AAMDC: variants seen among roughly 807,000 people sequenced by gnomAD.
The protein encoded by AAMDC is mth938 domain-containing protein.
Under a neutral mutation model 15.5 loss-of-function variants are expected in AAMDC, and 16 were observed. That is an observed-to-expected ratio of 1.03 (90% CI 0.70 to 1.57). The LOEUF (loss-of-function observed/expected upper bound fraction) is 1.57, where lower values mean the gene tolerates loss of function less well. Among genes scored for constraint, AAMDC ranks in the 40% most tolerant of loss-of-function variants. The pLI is 0.00. For synonymous variants in AAMDC, 51 were observed against 51.6 expected, an observed-to-expected ratio of 0.99 and a Z score of 0.05; for missense variants, 141 against 144.9, an observed-to-expected ratio of 0.97 and a Z score of 0.14.
chr11:77,876,255 A>G (rs556331867), downstream of AAMDC, among the ~76,000 whole-genome samples: 1 of 152,252 alleles, frequency 6.6e-6, no homozygotes, highest in African/African-American at 2.4e-5. Context: ...CTGTGATGAA[A>G]GTCACCTGGG....
chr11:77,844,512 A>C lies in AAMDC; in HGVS notation c.132+1884A>C, dbSNP rs1950062927. On this transcript the variant is annotated intron_variant, in intron 2 of 3. Transcript: ENST00000393427. ...TGAGTAGCAAGGACCACAGGCATGC[A>C]ATCACACCTGGCTTATTTTTTTTAG... is the stretch of plus-strand genomic sequence containing the variant. Among the ~76,000 whole-genome samples the C allele has an allele frequency of 2.0e-5, 3 of 152,060 alleles. No homozygotes were observed. In the South Asian group the frequency reaches 6.2e-4, roughly 32 times the overall value.
rs199582141 is a variant in AAMDC, at chr11:77,880,334, TC to T, written c.328+3287del. 2.1e-3 allele frequency among the ~76,000 whole-genome samples: 316 copies of T among 152,254 alleles called. 1 individual carries two copies. Among genetic ancestry groups the T allele is most frequent in the African/African-American group, 7.3e-3 (303 of 41,550 alleles). On this transcript the variant is annotated intron_variant, in intron 5 of 5. Transcript: ENST00000304716. ...CAGAGTAGAGACTGGATTGCTGTCC[TC>T]CAGGAAGGGAAAGGTTTGCAGTCAG...
intron 1 of AAMDC, among the ~76,000 whole-genome samples, chr11:77,839,911 A>C (rs1949854929): frequency 6.6e-6 from 1 of 152,150 alleles, no homozygotes; most frequent in Non-Finnish European, 1.5e-5. Flanking sequence ...GCAGCAAACC[A>C]CCATGGCACA....
intron 2 of AAMDC, among the ~76,000 whole-genome samples, chr11:77,862,128 G>A (rs1010322755): frequency 3.9e-5 from 6 of 152,106 alleles, no homozygotes; most frequent in Admixed American, 1.3e-4. Context: ...AATGTTTGCG[G>A]CACCAATCTG....
At chr11:77,895,448 A>G (rs190518857) in intron 5 of AAMDC, among the ~76,000 whole-genome samples, 2 of 148,066 alleles carry the variant, frequency 1.4e-5, no homozygotes, top group East Asian at 4.1e-4. Flanking sequence ...TATTTGCTGA[A>G]TGAACAAAAA....
intron 1 of AAMDC, among the ~76,000 whole-genome samples, chr11:77,826,931 A>G (rs1029975507): frequency 3.9e-5 from 6 of 151,942 alleles, no homozygotes; most frequent in Non-Finnish European, 8.8e-5. Context: ...ATAGTGAAAC[A>G]CCATCTCTAC....
At chr11:77,901,473 T>C, downstream of AAMDC, 1 of 1,613,950 alleles carries the variant, frequency 6.2e-7, no homozygotes, top group Non-Finnish European at 8.5e-7. Flanking sequence ...GCCTGCAGCC[T>C]CATGTGATGT....
At chr11:77,894,350 C>T (rs1222824852) in intron 5 of AAMDC, 9 of 1,539,372 alleles carry the variant, frequency 5.8e-6, no homozygotes, top group Non-Finnish European at 8.0e-6. Flanking sequence ...GGGGTCAAGT[C>T]TGTAGAAAAG....
intron 2 of AAMDC, among the ~76,000 whole-genome samples, chr11:77,861,485 T>C (rs1203175607): frequency 1.3e-5 from 2 of 152,212 alleles, no homozygotes; most frequent in East Asian, 3.9e-4. Context: ...CCCGGGGCTC[T>C]GTGAGGGTGA....
chr11:77,877,128 G>T (rs1951620705), downstream of AAMDC: 2 of 673,788 alleles, frequency 3.0e-6, no homozygotes, highest in Non-Finnish European at 5.4e-6. Context: ...TGACCTCGTG[G>T]AAATAGACTG....
At chr11:77,850,560 T>C (rs1422560519) in intron 2 of AAMDC, 1 of 152,074 alleles carries the variant, frequency 6.6e-6, no homozygotes, top group Non-Finnish European at 1.5e-5. Flanking sequence ...AAAATATAAG[T>C]ATAAAATTAA....
chr11:77,861,496 T>C (rs995321071), intron 2 of AAMDC, among the ~76,000 whole-genome samples: 2 of 152,188 alleles, frequency 1.3e-5, no homozygotes, highest in Non-Finnish European at 2.9e-5. Flanking sequence ...GTGAGGGTGA[T>C]GGCATGAGCT....
chr11:77,867,845 G>A (rs1282476364), intron 2 of AAMDC, among the ~76,000 whole-genome samples: 1 of 152,176 alleles, frequency 6.6e-6, no homozygotes, highest in East Asian at 1.9e-4. Flanking sequence ...TGATTGGTAG[G>A]TTTTAAAGCA....
At chr11:77,885,310 C>T (rs1951957702) in intron 5 of AAMDC, among the ~76,000 whole-genome samples, 1 of 151,964 alleles carries the variant, frequency 6.6e-6, no homozygotes, top group Non-Finnish European at 1.5e-5. Context: ...CTCCTGACCT[C>T]AGGTGATCTT....
intron 2 of AAMDC, among the ~76,000 whole-genome samples, chr11:77,848,650 G>A (rs1162978992): frequency 1.3e-5 from 2 of 152,150 alleles, no homozygotes; most frequent in Admixed American, 6.5e-5. Flanking sequence ...GTGAGCCACC[G>A]TGCCTGGCCA....
chr11:77,869,312 CT>C (rs1209578429), intron 2 of AAMDC: 497 of 126,956 alleles, frequency 3.9e-3, no homozygotes, highest in South Asian at 0.011. Flanking sequence ...ATCTCTTTTT[CT>C]TTTTTTTTTT....
intron 5 of AAMDC, among the ~76,000 whole-genome samples, chr11:77,895,511 T>C (rs888384783): frequency 8.0e-6 from 1 of 124,882 alleles, no homozygotes; most frequent in Non-Finnish European, 1.6e-5. Context: ...GCAACATTCA[T>C]TCTAATTCTT....
rs892792898 is a variant in AAMDC, at chr11:77,869,718, C to A, written c.133-4C>A. ...ACCTGTCTACTTTCTCTTTCCACAT[C>A]CAGCATTCTCCTGGTGTGCAGCCTG... On this transcript the variant is annotated splice_region_variant and splice_polypyrimidine_tract_variant and intron_variant, in intron 2 of 3. Coordinates refer to ENST00000393427, the MANE Select transcript of AAMDC (RefSeq NM_024684.4). The A allele has an allele frequency of 1.9e-6, 3 of 1,613,512 alleles. No individual in the cohort carries two copies. The highest frequency in any genetic ancestry group is 2.5e-6 in the Non-Finnish European group (3 of 1,179,632).
intron 2 of AAMDC, chr11:77,850,771 CACATACACACACAT>C (rs1399692656): frequency 2.9e-5 from 3 of 102,968 alleles, no homozygotes; most frequent in African/African-American, 1.5e-4. Context: ...AACACACACA[CACATACACACACAT>C]ACACACACAC....
Sources: allele counts gnomAD v4.1 joint callset (sites outside exome capture counted in the v4.1 genomes callset), GRCh38; gene constraint gnomAD v4.1.1; transcripts MANE v1.5; gene names NCBI Gene and HGNC (gene_info 2026-07-23, HGNC 2026-07-21).